Variants in MORN4 observed in about 807,000 individuals in gnomAD.
The protein encoded by MORN4 is MORN repeat-containing protein 4.
Under a neutral mutation model 16.4 loss-of-function variants are expected in MORN4, and 8 were observed. The observed-to-expected ratio is 0.49, with a 90% CI of 0.29 to 0.88. The LOEUF is 0.88. MORN4 is among the 40% of genes least tolerant of loss of function. MORN4 has a pLI of 0.09. For missense variants in MORN4, 159 were observed against 182.9 expected (o/e 0.87, Z 0.75); for synonymous variants, 53 against 68.9 (o/e 0.77, Z 1.14).
intron 1 of MORN4, among the ~76,000 whole-genome samples, chr10:97,629,714 T>G (rs1215788356): frequency 6.6e-6 from 1 of 151,484 alleles, no homozygotes; most frequent in African/African-American, 2.4e-5. Flanking sequence ...CCAAATTCCC[T>G]CACCCACAGA....
intron 1 of MORN4, among the ~76,000 whole-genome samples, chr10:97,623,638 G>A (rs768950968): frequency 3.3e-5 from 5 of 151,836 alleles, no homozygotes; most frequent in African/African-American, 4.8e-5. Flanking sequence ...GAACTCCTAG[G>A]TTCAAGAGAT....
intron 1 of MORN4, among the ~76,000 whole-genome samples, chr10:97,628,321 A>T (rs2041365635): frequency 6.6e-6 from 1 of 152,192 alleles, no homozygotes; most frequent in Admixed American, 6.5e-5. Context: ...GGATTTGAGG[A>T]GTCATATTGA....
intron 1 of MORN4, among the ~76,000 whole-genome samples, chr10:97,625,961 A>G (rs955488977): frequency 9.9e-5 from 15 of 151,736 alleles, no homozygotes; most frequent in Non-Finnish European, 4.4e-5. Context: ...GTGTCCCACT[A>G]TGTTGCCCAG....
intron 1 of MORN4, among the ~76,000 whole-genome samples, chr10:97,622,408 C>T (rs2041305923): frequency 6.6e-6 from 1 of 152,022 alleles, no homozygotes; most frequent in Non-Finnish European, 1.5e-5. Flanking sequence ...AAGAAGGGAA[C>T]TGCACGGTGG....
chr10:97,617,283 C>T lies in MORN4; in HGVS notation c.107G>A (p.Gly36Asp). Residue 36 changes from glycine to aspartate, a missense_variant, in exon 3 of 5, where the codon GGT (glycine) becomes GAT (aspartate). Coordinates refer to ENST00000307450, the MANE Select transcript of MORN4 (RefSeq NM_178832.4). Reference sequence around the variant, plus strand: ...CTCAAAATGACCCAGGTAGGTGCCACCATCTGCAAACATCAGTTGACCAAA... The same window carrying T: ...CTCAAAATGACCCAGGTAGGTGCCATCATCTGCAAACATCAGTTGACCAAA... ...HGFGQLMFAD[G>D]GTYLGHFENG... 1 of 1,614,170 alleles carries T rather than the reference C, an allele frequency of 6.2e-7. No individual in the cohort carries two copies. Among genetic ancestry groups the T allele is most frequent in the South Asian group, 1.1e-5 (1 of 91,088 alleles).
chr10:97,633,330 C>T lies in MORN4; in HGVS notation c.-31+17G>A. On this transcript the variant is annotated intron_variant, in intron 1 of 4. Coordinates refer to ENST00000307450, the MANE Select transcript of MORN4 (RefSeq NM_178832.4). The surrounding 1 kb of genome is among the most constrained non-coding windows in gnomAD (Gnocchi z 4.5). ...ACACTCTTTCCCGGCCCCCTCCCTC[C>T]TGCGCCTCCAGCCAACCTGGGGCCG... 1 of 1,289,334 alleles carries T rather than the reference C, an allele frequency of 7.8e-7. No homozygotes were observed. The highest frequency in any genetic ancestry group is 1.0e-6 in the Non-Finnish European group (1 of 988,600). 79.9% of individuals were successfully genotyped at this position (1,289,334 alleles called of 1,614,324 possible).
Position 97,616,180 on chromosome 10 carries a change from G to T in MORN4, c.*83C>A. 1 of 1,386,972 alleles carries T rather than the reference G, an allele frequency of 7.2e-7. No homozygotes were observed. The highest frequency in any genetic ancestry group is 9.6e-7 in the Non-Finnish European group (1 of 1,037,270). 85.9% of individuals were successfully genotyped at this position (1,386,972 alleles called of 1,614,324 possible). On this transcript the variant is annotated 3_prime_UTR_variant, in exon 5 of 5. Transcript: ENST00000307450. ...CCACTGTCATTGTCAACTCATCTCA[G>T]CTCTGATTCATTTGTTCACCTCGAA...
At chr10:97,617,728 C>T (rs2041248972) in intron 2 of MORN4, among the ~76,000 whole-genome samples, 3 of 151,990 alleles carry the variant, frequency 2.0e-5, no homozygotes, top group South Asian at 2.1e-4. Flanking sequence ...GGTGTAGTGG[C>T]GCCTGCCTGT....
intron 1 of MORN4, among the ~76,000 whole-genome samples, chr10:97,621,171 T>A (rs550858407): frequency 6.6e-6 from 1 of 152,040 alleles, no homozygotes; most frequent in Non-Finnish European, 1.5e-5. Context: ...AAGAATCTCA[T>A]GGATTTAGCC....
At chr10:97,629,263 T>C (rs1370706378) in intron 1 of MORN4, among the ~76,000 whole-genome samples, 1 of 152,202 alleles carries the variant, frequency 6.6e-6, no homozygotes, top group Non-Finnish European at 1.5e-5. Flanking sequence ...GGCCCATGCC[T>C]GTAATCCCAG....
chr10:97,621,312 G>A (rs925080750), intron 1 of MORN4, among the ~76,000 whole-genome samples: 104 of 152,074 alleles, frequency 6.8e-4, no homozygotes, highest in Non-Finnish European at 2.4e-4. Context: ...CTAACTTAAA[G>A]AGACCTTTGA....
chr10:97,618,319 C>T (rs1241130600), intron 2 of MORN4, among the ~76,000 whole-genome samples: 1 of 133,622 alleles, frequency 7.5e-6, no homozygotes, highest in Non-Finnish European at 1.5e-5. Context: ...GGCTGGAGCA[C>T]AGTGGTGCGA....
chr10:97,627,811 C>T (rs1470844957), intron 1 of MORN4, among the ~76,000 whole-genome samples: 1 of 152,160 alleles, frequency 6.6e-6, no homozygotes, highest in African/African-American at 2.4e-5. Context: ...CCTCTGGGAG[C>T]TATTTTCTGA....
At chr10:97,632,925 T>A (rs902924405) in intron 1 of MORN4, among the ~76,000 whole-genome samples, 1 of 152,134 alleles carries the variant, frequency 6.6e-6, no homozygotes, top group Non-Finnish European at 1.5e-5. Flanking sequence ...GGCTTCCATA[T>A]GTGGGAGTTC....
At chr10:97,627,727 C>T (rs2041361078) in intron 1 of MORN4, among the ~76,000 whole-genome samples, 1 of 152,238 alleles carries the variant, frequency 6.6e-6, no homozygotes, top group African/African-American at 2.4e-5. Context: ...TCAAGCATTC[C>T]ATTTCCAGTA....
chr10:97,625,193 G>A (rs1267393821), intron 1 of MORN4, among the ~76,000 whole-genome samples: 5 of 152,172 alleles, frequency 3.3e-5, no homozygotes, highest in African/African-American at 1.2e-4. Context: ...GCTGGCACAA[G>A]TTCTTACAGT....
chr10:97,620,503 A>AG (rs2041280122), intron 1 of MORN4, among the ~76,000 whole-genome samples: 1 of 108,058 alleles, frequency 9.3e-6, no homozygotes, highest in Admixed American at 8.4e-5. Flanking sequence ...AAAAAAAAAA[A>AG]AAAAGAAAAA....
chr10:97,624,034 C>A (rs529266096), intron 1 of MORN4, among the ~76,000 whole-genome samples: 1 of 152,232 alleles, frequency 6.6e-6, no homozygotes, highest in Admixed American at 6.5e-5. Flanking sequence ...CCGTGCCTGG[C>A]CGCAAGATGG....
chr10:97,616,304 C>A lies in MORN4; in HGVS notation c.400G>T (p.Ala134Ser). ...CTGGCTGACTTGGAGGCGCTCTGGG[C>A]CCGCTGAACAATGGCAGAACACTTC... ...REKCSAIVQR[A>S]QSASKSARNL... Residue 134 changes from alanine (A) to serine (S), a missense_variant, in exon 5 of 5, where the codon GCC (alanine) becomes TCC (serine). Coordinates refer to ENST00000307450, the MANE Select transcript of MORN4 (RefSeq NM_178832.4). 3.1e-6 allele frequency: 5 copies of A among 1,611,876 alleles called. No individual in the cohort carries two copies. The highest frequency in any genetic ancestry group is 4.2e-6 in the Non-Finnish European group (5 of 1,178,952).
Sources: gnomAD v4.1 joint callset for allele counts (sites outside exome capture counted in the v4.1 genomes callset) on GRCh38, gnomAD v4.1.1 for gene constraint, Gnocchi (gnomAD v3.1) non-coding constraint, MANE v1.5 for transcripts, NCBI Gene and HGNC (gene_info 2026-07-23, HGNC 2026-07-21) for gene names.